DIP2C: variants seen among roughly 807,000 people sequenced by gnomAD.
DIP2C encodes disco-interacting protein 2 homolog C.
DIP2C carries 33 observed loss-of-function variants against 192.4 expected under a neutral mutation model. That is an observed-to-expected ratio of 0.17 (90% confidence interval 0.13 to 0.23). The LOEUF is 0.23. Among genes scored for constraint, DIP2C ranks in the 10% least tolerant of loss-of-function variants. The pLI, the probability that DIP2C is intolerant of heterozygous loss-of-function variation, is 1.00. For synonymous variants in DIP2C, 979 were observed against 864.1 expected, an observed-to-expected ratio of 1.13 and a Z score of -2.33; for missense variants, 1,537 against 2,110.1, an observed-to-expected ratio of 0.73 and a Z score of 5.32.
At chr10:441,604 G>A (rs1967739111) in intron 3 of DIP2C, among the ~76,000 whole-genome samples, 1 of 152,160 alleles carries the variant, frequency 6.6e-6, no homozygotes, top group African/African-American at 2.4e-5. Context: ...TTTATTAGAG[G>A]TTTCCGCTTT....
At chr10:573,765 TAA>T (rs887022859) in intron 1 of DIP2C, among the ~76,000 whole-genome samples, 4 of 151,168 alleles carry the variant, frequency 2.6e-5, no homozygotes, top group South Asian at 2.1e-4. Context: ...TGTAGGTACT[TAA>T]AAAAAAAGAA....
intron 2 of DIP2C, among the ~76,000 whole-genome samples, chr10:472,912 C>A (rs1970745987): frequency 6.6e-6 from 1 of 152,122 alleles, no homozygotes; most frequent in Admixed American, 6.5e-5. Context: ...AATAAATATA[C>A]AGAATGAGCT....
rs140220458 is a variant in DIP2C at position 340,453 on chromosome 10, C to G, written c.3584+746G>C. Among the ~76,000 whole-genome samples, 576 of 152,214 alleles carry G rather than the reference C, an allele frequency of 3.8e-3. 1 individual carries two copies. Among genetic ancestry groups the G allele is most frequent in the Non-Finnish European group, 6.5e-3 (442 of 68,014 alleles). ...ACGGGTGTTTATTACTGGACATGCT[C>G]TATGCTTACTTGCTTGAAAACGCTC... On this transcript the variant is annotated intron_variant, in intron 29 of 36. Transcript: ENST00000280886.
At chr10:456,498 C>T (rs956069170) in intron 3 of DIP2C, among the ~76,000 whole-genome samples, 15 of 152,204 alleles carry the variant, frequency 9.9e-5, no homozygotes, top group African/African-American at 3.1e-4. Context: ...TGAATCAAAG[C>T]ACTCACAGCG....
At chr10:337,538 A>AGAGGCCTAGGAAGCTGTGTGTGTGCTGTG (rs1957897554) in intron 29 of DIP2C, among the ~76,000 whole-genome samples, 1 of 120,850 alleles carries the variant, frequency 8.3e-6, no homozygotes, top group Admixed American at 8.8e-5. Context: ...TGTGTGTTGT[A>AGAGGCCTAGGAAGCTGTGTGTGTGCTGTG]GAGGCCTAGG....
chr10:598,333 C>T (rs1053176052), intron 1 of DIP2C, among the ~76,000 whole-genome samples: 2 of 152,226 alleles, frequency 1.3e-5, no homozygotes, highest in East Asian at 1.9e-4. Flanking sequence ...CATTTCCCAT[C>T]GCACCAAGAG....
intron 1 of DIP2C, among the ~76,000 whole-genome samples, chr10:572,648 A>T (rs1483954411): frequency 6.6e-6 from 1 of 152,248 alleles, no homozygotes; most frequent in African/African-American, 2.4e-5. Context: ...CTCTCCAGTG[A>T]CTGTATTCAC....
intron 1 of DIP2C, among the ~76,000 whole-genome samples, chr10:643,374 C>T (rs185069500): frequency 8.5e-5 from 13 of 152,160 alleles, no homozygotes; most frequent in Non-Finnish European, 1.8e-4. Flanking sequence ...ATTAGCCAGG[C>T]GTGGTGGCGG....
chr10:352,138 G>A (rs532958817), intron 24 of DIP2C, among the ~76,000 whole-genome samples: 41 of 152,354 alleles, frequency 2.7e-4, no homozygotes, highest in African/African-American at 7.5e-4. Flanking sequence ...CCCATCTCTG[G>A]AGAGCTGAAG....
At chr10:312,834 C>A (rs1039343501) in intron 31 of DIP2C, among the ~76,000 whole-genome samples, 8 of 152,136 alleles carry the variant, frequency 5.3e-5, no homozygotes, top group Non-Finnish European at 1.0e-4. Context: ...AATTTCTTTC[C>A]TTCATGATTC....
chr10:617,183 GTGT>G (rs3049601), intron 1 of DIP2C, among the ~76,000 whole-genome samples: 105,736 of 140,038 alleles, frequency 0.76, 42,208 homozygotes, highest in South Asian at 0.89. Context: ...CGCCCCTACT[GTGT>G]TGGTATCTCA....
chr10:329,417 C>T lies in DIP2C; in HGVS notation c.3753+16G>A. 1 of 1,608,106 alleles carries T rather than the reference C, an allele frequency of 6.2e-7. No individual in the cohort carries two copies. The highest frequency in any genetic ancestry group is 8.5e-7 in the Non-Finnish European group (1 of 1,176,998). On this transcript the variant is annotated intron_variant, in intron 30 of 36. Transcript: ENST00000280886. ...GTGGGCTCACAGGGCACTGAGCTGC[C>T]AAGGGAGCTGCTTACCTTGAGGGAC...
At chr10:593,596 T>TC (rs1398417779) in intron 1 of DIP2C, among the ~76,000 whole-genome samples, 1 of 147,310 alleles carries the variant, frequency 6.8e-6, no homozygotes, top group Admixed American at 7.0e-5. Context: ...CCTCGGTACT[T>TC]CCCCCCAAAA....
In DIP2C at chr10:640,574, C is replaced by CGACGGGG. The variant is rs1313754127; in HGVS notation, c.85+48913_85+48919dup. 2.0e-5 allele frequency among the ~76,000 whole-genome samples: 3 copies of CGACGGGG among 152,120 alleles called. No homozygotes were observed. The East Asian group carries it at 5.8e-4, about 29-fold the overall frequency. On this transcript the variant is annotated intron_variant, in intron 1 of 36. Coordinates refer to ENST00000280886, the MANE Select transcript of DIP2C (RefSeq NM_014974.3). The stretch of plus-strand genomic sequence containing the variant: ...ACACACGACAGACCCCGGGTAGACG[C>CGACGGGG]GACGGGGGACGAGGGTGCGTGCCGG...
intron 17 of DIP2C, among the ~76,000 whole-genome samples, chr10:379,083 G>A (rs1962042529): frequency 6.6e-6 from 1 of 151,998 alleles, no homozygotes; most frequent in South Asian, 2.1e-4. Flanking sequence ...TGACCTGCCT[G>A]CAGCGCTGGG....
chr10:564,841 AAAC>A (rs1262032963), intron 1 of DIP2C, among the ~76,000 whole-genome samples: 17 of 152,316 alleles, frequency 1.1e-4, no homozygotes, highest in East Asian at 3.9e-4. Flanking sequence ...AGAAACTGGA[AAAC>A]AACAAATATG....
intron 1 of DIP2C, among the ~76,000 whole-genome samples, chr10:569,663 C>T (rs917803432): frequency 9.9e-5 from 15 of 152,092 alleles, no homozygotes; most frequent in Non-Finnish European, 1.5e-4. Flanking sequence ...ATTTATTTAA[C>T]TACTGCTGCA....
At chr10:357,271 G>A (rs925999908) in intron 23 of DIP2C, among the ~76,000 whole-genome samples, 11 of 152,308 alleles carry the variant, frequency 7.2e-5, no homozygotes, top group Admixed American at 5.2e-4. Context: ...TTTCTCCCAC[G>A]GCTTCTAACG....
At chr10:292,266 T>C (rs1955530875) in intron 32 of DIP2C, among the ~76,000 whole-genome samples, 1 of 152,180 alleles carries the variant, frequency 6.6e-6, no homozygotes, top group Non-Finnish European at 1.5e-5. Flanking sequence ...TAGGTGAAAG[T>C]TGGTTTTAAA....
Sources: allele counts gnomAD v4.1 joint callset (sites outside exome capture counted in the v4.1 genomes callset), GRCh38; gene constraint gnomAD v4.1.1; transcripts MANE v1.5; gene names NCBI Gene and HGNC (gene_info 2026-07-23, HGNC 2026-07-21).